The following CABLES1 variants were observed in gnomAD, a reference collection of about 807,000 sequenced individuals.
The protein encoded by CABLES1 is Cdk5 and Abl enzyme substrate 1, also known as CDK5 and ABL1 enzyme substrate 1.
CABLES1 carries 36 observed loss-of-function variants against 57.8 expected under a neutral mutation model. That is an observed-to-expected ratio of 0.62 (90% confidence interval 0.48 to 0.82). The LOEUF (loss-of-function observed/expected upper bound fraction) is 0.82. Ranked by LOEUF, CABLES1 falls within the 40% of genes least tolerant of loss-of-function variation. The probability of loss-of-function intolerance (pLI) is 0.00; values close to 1 mark genes in which losing one functional copy is unlikely to be tolerated. For missense variants in CABLES1, 767 were observed against 836.6 expected (o/e 0.92, Z 1.03); for synonymous variants, 374 against 363.0 (o/e 1.03, Z -0.35).
At chr18:23,186,895 A>G (rs1022697027) in intron 1 of CABLES1, among the ~76,000 whole-genome samples, 1 of 152,164 alleles carries the variant, frequency 6.6e-6, no homozygotes, top group Non-Finnish European at 1.5e-5. Flanking sequence ...CCCCCAGTCC[A>G]GCCTGGGACT....
intron 4 of CABLES1, among the ~76,000 whole-genome samples, chr18:23,221,927 C>G (rs921314143): frequency 6.6e-6 from 1 of 152,168 alleles, no homozygotes; most frequent in African/African-American, 2.4e-5. Flanking sequence ...AGGAGGGAGC[C>G]CTCAGGGAAC....
Position 23,161,241 on chromosome 18 carries a change from A to G in CABLES1, c.845+24634A>G, listed in dbSNP as rs112023274. On this transcript the variant is annotated intron_variant, in intron 1 of 9. Coordinates refer to ENST00000256925, the MANE Select transcript of CABLES1 (RefSeq NM_001100619.3). Reference sequence around the variant, plus strand: ...TAAATGAATAAAGTGAGAGAGGAAGAGAAAGAAAGAAAATATTAAAAAACA... The same window carrying G: ...TAAATGAATAAAGTGAGAGAGGAAGGGAAAGAAAGAAAATATTAAAAAACA... Among the ~76,000 whole-genome samples the G allele has an allele frequency of 1.6e-3, 248 of 152,216 alleles. 3 individuals carry two copies. The highest frequency in any genetic ancestry group is 5.7e-3 in the African/African-American group (236 of 41,516).
chr18:23,190,734 G>A (rs1194677655), intron 2 of CABLES1, among the ~76,000 whole-genome samples: 1 of 152,162 alleles, frequency 6.6e-6, no homozygotes, highest in Non-Finnish European at 1.5e-5. Flanking sequence ...AATCAGAAGA[G>A]TTTTAGAAAT....
At chr18:23,242,368 C>G (rs1477537547) in intron 7 of CABLES1, among the ~76,000 whole-genome samples, 1 of 152,152 alleles carries the variant, frequency 6.6e-6, no homozygotes, top group Non-Finnish European at 1.5e-5. Flanking sequence ...GACCACAGAA[C>G]AGAGAATGTT....
intron 7 of CABLES1, among the ~76,000 whole-genome samples, chr18:23,249,945 G>A (rs959603683): frequency 1.7e-4 from 26 of 152,314 alleles, no homozygotes; most frequent in African/African-American, 5.5e-4. Flanking sequence ...CCCTGCCTGC[G>A]GCTCACTCAG....
At chr18:23,146,805 G>T (rs1218121181) in intron 1 of CABLES1, among the ~76,000 whole-genome samples, 1 of 152,120 alleles carries the variant, frequency 6.6e-6, no homozygotes. Flanking sequence ...TTTCTAAGTT[G>T]AGAGTTTTCA....
rs576812378 is a variant in CABLES1 at position 23,252,054 on chromosome 18, C to T, written c.1447-906C>T. Among the ~76,000 whole-genome samples the T allele has an allele frequency of 3.3e-5, 5 of 151,554 alleles. No homozygotes were observed. In the South Asian group the frequency reaches 1.0e-3, roughly 32 times the overall value. On this transcript the variant is annotated intron_variant, in intron 7 of 9. Transcript: ENST00000256925. ...CGAACCAAGATTGCACCGCTGCACT[C>T]CAGCCTGGGCAACAAAGTGAGACTC...
intron 3 of CABLES1, among the ~76,000 whole-genome samples, chr18:23,199,286 A>G (rs1020371582): frequency 7.2e-5 from 11 of 152,060 alleles, no homozygotes; most frequent in African/African-American, 2.7e-4. Context: ...GGTTCTTCAA[A>G]AAGTTAAACA....
intron 7 of CABLES1, among the ~76,000 whole-genome samples, chr18:23,241,368 TA>T (rs1368049525): frequency 6.6e-6 from 1 of 152,030 alleles, no homozygotes; most frequent in African/African-American, 2.4e-5. Flanking sequence ...CTGTCTCTAC[TA>T]AAAATACAAA....
At chr18:23,153,057 C>G (rs1357650990) in intron 1 of CABLES1, among the ~76,000 whole-genome samples, 1 of 152,020 alleles carries the variant, frequency 6.6e-6, no homozygotes, top group Non-Finnish European at 1.5e-5. Flanking sequence ...ACCTTGGCCT[C>G]CTGAAGTGCT....
At chr18:23,145,566 C>A (rs775872001) in intron 1 of CABLES1, among the ~76,000 whole-genome samples, 16 of 152,120 alleles carry the variant, frequency 1.1e-4, no homozygotes, top group Non-Finnish European at 2.4e-4. Flanking sequence ...AATATCTGTC[C>A]CCCTCAAGTT....
chr18:23,230,229 G>A (rs749067013), intron 4 of CABLES1, among the ~76,000 whole-genome samples: 2 of 152,080 alleles, frequency 1.3e-5, no homozygotes, highest in Admixed American at 6.5e-5. Flanking sequence ...AAAATTAGCC[G>A]GGCATGGCGG....
At chr18:23,219,247 G>C (rs757549889) in intron 4 of CABLES1, 36 of 453,996 alleles carry the variant, frequency 7.9e-5, no homozygotes, top group Non-Finnish European at 1.4e-4. Flanking sequence ...CATCCCTCTG[G>C]TCCTCTGTCT....
intron 1 of CABLES1, among the ~76,000 whole-genome samples, chr18:23,184,317 G>A (rs2047187390): frequency 6.7e-6 from 1 of 149,478 alleles, no homozygotes; most frequent in Non-Finnish European, 1.5e-5. Flanking sequence ...ACGTGTGTGT[G>A]TGTGTGTGTG....
At chr18:23,255,295 A>G (rs2048134267) in intron 9 of CABLES1, among the ~76,000 whole-genome samples, 1 of 149,990 alleles carries the variant, frequency 6.7e-6, no homozygotes, top group Non-Finnish European at 1.5e-5. Flanking sequence ...ACAGAAAATA[A>G]AAGACATGGT....
chr18:23,259,511 A>G lies in CABLES1; in HGVS notation c.*2144A>G, dbSNP rs982580603. ...GTGGTCCATTACTTTTTAAAGATGC[A>G]TTTTCATTTTAAACTGTCTCCTGGC... is the stretch of plus-strand genomic sequence containing the variant. On this transcript the variant is annotated 3_prime_UTR_variant, in exon 10 of 10. Coordinates refer to ENST00000256925, the MANE Select transcript of CABLES1 (RefSeq NM_001100619.3). The G allele has an allele frequency of 2.0e-5, 3 of 152,116 alleles. No individual in the cohort carries two copies. Among genetic ancestry groups the G allele is most frequent in the African/African-American group, 7.2e-5 (3 of 41,412 alleles). The allele number at this position is 152,116 out of a possible 1,614,324, so 9.4% of individuals were successfully genotyped here. A position where few individuals can be genotyped will look rare whatever the true frequency, so the allele number is the denominator to read the frequency against.
At chr18:23,195,672 C>T (rs972185193) in intron 3 of CABLES1, among the ~76,000 whole-genome samples, 7 of 152,112 alleles carry the variant, frequency 4.6e-5, no homozygotes, top group Non-Finnish European at 1.0e-4. Context: ...ATTTTTACAT[C>T]GTCAGTATAT....
intron 3 of CABLES1, among the ~76,000 whole-genome samples, chr18:23,209,912 C>T (rs1213705324): frequency 6.6e-6 from 1 of 152,166 alleles, no homozygotes; most frequent in Non-Finnish European, 1.5e-5. Context: ...CCTGGCTGTT[C>T]TGGACACTCA....
At position 23,136,449 on chromosome 18, in the gene CABLES1, C is replaced by T. The variant is rs780204685; in HGVS notation, c.687C>T (p.Thr229=). The change falls in exon 1 of 10, where the codon ACC becomes ACT. Residue 229 remains threonine, a synonymous_variant. Coordinates refer to ENST00000256925, the MANE Select transcript of CABLES1 (RefSeq NM_001100619.3). ...VPAAAFLGSG[T]PGSGSGSRGR... ...CGGCCGCCTTTTTGGGCTCCGGGAC[C>T]CCCGGGAGTGGGAGCGGCAGTCGGG... The T allele has an allele frequency of 6.4e-5, 103 of 1,603,986 alleles. No individual in the cohort carries two copies. The highest frequency in any genetic ancestry group is 8.2e-5 in the Non-Finnish European group (97 of 1,177,016).
Sources: allele counts gnomAD v4.1 joint callset (sites outside exome capture counted in the v4.1 genomes callset), GRCh38; gene constraint gnomAD v4.1.1; transcripts MANE v1.5; gene names NCBI Gene and HGNC (gene_info 2026-07-23, HGNC 2026-07-21).